GLIS3: variants seen among roughly 807,000 people sequenced by gnomAD.
GLIS3 encodes GLIS family zinc finger 3.
In GLIS3, 53 loss-of-function variants were observed where a neutral mutation model predicts 78.6. The ratio of observed to expected loss-of-function variants is 0.67; its 90% CI spans 0.54 to 0.85. The LOEUF (loss-of-function observed/expected upper bound fraction) is 0.85. GLIS3 is among the 40% of genes least tolerant of loss of function. GLIS3 has a pLI of 0.00. For synonymous variants in GLIS3, 684 were observed against 509.9 expected, an observed-to-expected ratio of 1.34 and a Z score of -4.60; for missense variants, 1,703 against 1,231.1, an observed-to-expected ratio of 1.38 and a Z score of -5.74.
At chr9:4,321,694 ATT>A (rs1387551551) in intron 2 of GLIS3, among the ~76,000 whole-genome samples, 1 of 141,368 alleles carries the variant, frequency 7.1e-6, no homozygotes, top group African/African-American at 2.8e-5. Context: ...CCATCTCTGC[ATT>A]TTGTGTTTAT....
intron 2 of GLIS3, among the ~76,000 whole-genome samples, chr9:4,280,790 T>C (rs902000287): frequency 6.6e-6 from 1 of 151,680 alleles, no homozygotes; most frequent in African/African-American, 2.4e-5. Flanking sequence ...GGAGCTGGAA[T>C]GAGGCAAATG....
At chr9:4,411,759 C>T in the GLIS3 span, among the ~76,000 whole-genome samples, 3 of 152,214 alleles carry the variant, frequency 2.0e-5, no homozygotes, top group Admixed American at 1.3e-4. Context: ...TGGCTTACAA[C>T]ACCATCCACC....
chr9:4,197,070 A>C (rs1818928475), intron 2 of GLIS3, among the ~76,000 whole-genome samples: 1 of 151,974 alleles, frequency 6.6e-6, no homozygotes, highest in Admixed American at 6.6e-5. Context: ...ATCTCCAAGT[A>C]TTCAGAGCCC....
chr9:3,953,775 C>CA (rs1563886399), intron 4 of GLIS3, among the ~76,000 whole-genome samples: 157 of 37,344 alleles, frequency 4.2e-3, no homozygotes, highest in African/African-American at 0.015. Context: ...CTCTCTCTCT[C>CA]TCTCTCTCTC....
intron 9 of GLIS3, among the ~76,000 whole-genome samples, chr9:3,834,240 A>G (rs985722887): frequency 2.6e-5 from 4 of 152,170 alleles, no homozygotes; most frequent in African/African-American, 9.7e-5. Context: ...GCAGCCCCAT[A>G]AAGCTTTGGA....
intron 4 of GLIS3, among the ~76,000 whole-genome samples, chr9:3,948,697 G>C (rs1054565254): frequency 6.6e-6 from 1 of 152,148 alleles, no homozygotes; most frequent in Non-Finnish European, 1.5e-5. Flanking sequence ...ATGAGAATAT[G>C]GGTCTAATTA....
At chr9:4,161,956 G>T (rs1174272438) in intron 2 of GLIS3, among the ~76,000 whole-genome samples, 1 of 152,054 alleles carries the variant, frequency 6.6e-6, no homozygotes, top group East Asian at 1.9e-4. Context: ...AAAGTGGTGG[G>T]ATTACAGGCG....
the GLIS3 span, among the ~76,000 whole-genome samples, chr9:4,438,506 C>T: frequency 6.6e-6 from 1 of 152,156 alleles, no homozygotes; most frequent in African/African-American, 2.4e-5. Context: ...AAGATTTTCT[C>T]ACCTGCACTC....
intron 2 of GLIS3, among the ~76,000 whole-genome samples, chr9:4,265,760 T>C (rs1489947409): frequency 2.0e-5 from 3 of 152,190 alleles, no homozygotes; most frequent in Admixed American, 6.5e-5. Context: ...TGTCGTGCCA[T>C]TTCATCATCA....
Position 4,195,484 on chromosome 9 carries a change from G to A in GLIS3, c.389-69543C>T, listed in dbSNP as rs539143524. The stretch of plus-strand genomic sequence containing the variant: ...GGATGCCGGGTCCCCCAGCACTGCC[G>A]GCCCGCCAGCACCGCGCTCGAATTC... On this transcript the variant is annotated intron_variant, in intron 2 of 10. Coordinates refer to ENST00000381971, the MANE Select transcript of GLIS3 (RefSeq NM_001042413.2). Among the ~76,000 whole-genome samples, 7 of 152,324 alleles carry A rather than the reference G, an allele frequency of 4.6e-5. 1 individual carries two copies. The South Asian group carries it at 1.0e-3, about 23-fold the overall frequency.
intron 4 of GLIS3, among the ~76,000 whole-genome samples, chr9:3,945,974 G>A (rs1816268939): frequency 6.6e-6 from 1 of 151,370 alleles, no homozygotes; most frequent in Non-Finnish European, 1.5e-5. Flanking sequence ...CTCCAGGCCA[G>A]CCAAGCTGCA....
chr9:4,381,491 A>C, the GLIS3 span, among the ~76,000 whole-genome samples: 1 of 152,188 alleles, frequency 6.6e-6, no homozygotes, highest in Non-Finnish European at 1.5e-5. Context: ...AACACAGGAA[A>C]AGATAAGAGT....
intron 4 of GLIS3, among the ~76,000 whole-genome samples, chr9:3,965,911 G>A (rs563126618): frequency 6.6e-6 from 1 of 152,328 alleles, no homozygotes; most frequent in Non-Finnish European, 1.5e-5. Context: ...GTAGGCACAT[G>A]TCATTGTTTG....
At chr9:4,147,805 G>T (rs567677485) in intron 2 of GLIS3, among the ~76,000 whole-genome samples, 1 of 103,838 alleles carries the variant, frequency 9.6e-6, no homozygotes, top group South Asian at 4.2e-4. Flanking sequence ...TTCACTTGCT[G>T]AGTTCATACC....
chr9:4,140,076 T>G (rs1833693451), intron 2 of GLIS3, among the ~76,000 whole-genome samples: 1 of 152,188 alleles, frequency 6.6e-6, no homozygotes, highest in South Asian at 2.1e-4. Context: ...TCTTACATAG[T>G]CGTCATAGCC....
intron 2 of GLIS3, among the ~76,000 whole-genome samples, chr9:4,278,143 G>C (rs1484145050): frequency 6.6e-6 from 1 of 152,212 alleles, no homozygotes; most frequent in Non-Finnish European, 1.5e-5. Context: ...ACACTGACAA[G>C]TGTGCAACAA....
At chr9:4,078,018 G>A (rs1009735681) in intron 4 of GLIS3, among the ~76,000 whole-genome samples, 1 of 151,888 alleles carries the variant, frequency 6.6e-6, no homozygotes, top group African/African-American at 2.4e-5. Context: ...ATTCTTTATA[G>A]TGAGCTCTCT....
chr9:4,065,264 A>G (rs1588583533), intron 4 of GLIS3, among the ~76,000 whole-genome samples: 1 of 152,182 alleles, frequency 6.6e-6, no homozygotes, highest in South Asian at 2.1e-4. Context: ...CTGCTGTGCT[A>G]GCAACACAGC....
At chr9:4,369,957 C>T in the GLIS3 span, among the ~76,000 whole-genome samples, 2 of 152,022 alleles carry the variant, frequency 1.3e-5, no homozygotes, top group Non-Finnish European at 2.9e-5. Context: ...TTTGGGAGGC[C>T]GAGGCAGGCA....
Sources: allele counts gnomAD v4.1 joint callset (sites outside exome capture counted in the v4.1 genomes callset), GRCh38; gene constraint gnomAD v4.1.1; transcripts MANE v1.5; gene names NCBI Gene and HGNC (gene_info 2026-07-23, HGNC 2026-07-21).